The following DLGAP2 variants were observed in gnomAD, a reference collection of about 807,000 sequenced individuals.
DLGAP2 encodes the protein DLG associated protein 2, also known as disks large-associated protein 2.
In DLGAP2, 26 loss-of-function variants were observed where a neutral mutation model predicts 100.3. That is an observed-to-expected ratio of 0.26 (90% CI 0.19 to 0.36). The LOEUF (loss-of-function observed/expected upper bound fraction) is 0.36, where lower values mean the gene tolerates loss of function less well. Ranked by LOEUF, DLGAP2 falls within the 10% of genes least tolerant of loss-of-function variation. The pLI, the probability that DLGAP2 is intolerant of heterozygous loss-of-function variation, is 1.00. For synonymous variants in DLGAP2, 886 were observed against 630.1 expected (o/e 1.41, Z -6.08); for missense variants, 1,858 against 1,453.2 (o/e 1.28, Z -4.53).
At chr8:1,358,668 G>T (rs1801909454) in intron 3 of DLGAP2, among the ~76,000 whole-genome samples, 1 of 152,164 alleles carries the variant, frequency 6.6e-6, no homozygotes, top group South Asian at 2.1e-4. Flanking sequence ...GAAGGCTTCT[G>T]ATGGGCAAAG....
chr8:847,308 T>A (rs1048760472), intron 1 of DLGAP2, among the ~76,000 whole-genome samples: 1 of 152,202 alleles, frequency 6.6e-6, no homozygotes, highest in Non-Finnish European at 1.5e-5. Context: ...CTTTGCACTG[T>A]TTTTACTTAT....
chr8:1,678,727 G>C, intron 12 of DLGAP2, 98 bp downstream of exon 12: 2 of 1,283,332 alleles, frequency 1.6e-6, no homozygotes, highest in Non-Finnish European at 2.0e-6. Flanking sequence ...CCTCCCTTTG[G>C]TATTCAAGTG....
intron 1 of DLGAP2, among the ~76,000 whole-genome samples, chr8:745,132 A>C (rs772728899): frequency 6.6e-6 from 1 of 152,252 alleles, no homozygotes; most frequent in Non-Finnish European, 1.5e-5. Context: ...AGACAAGCAC[A>C]GCGGCAGGTT....
intron 3 of DLGAP2, among the ~76,000 whole-genome samples, chr8:1,446,660 T>G (rs1797993150): frequency 6.6e-6 from 1 of 152,244 alleles, no homozygotes; most frequent in South Asian, 2.1e-4. Context: ...GGGATGGCAT[T>G]GAATGTATAA....
chr8:971,143 A>T (rs1365496159), intron 2 of DLGAP2, among the ~76,000 whole-genome samples: 1 of 152,196 alleles, frequency 6.6e-6, no homozygotes, highest in Admixed American at 6.5e-5. Flanking sequence ...GGTTTCGAGG[A>T]CACCATCCGG....
Position 1,701,748 on chromosome 8 carries a change from T to C in DLGAP2, c.*342T>C. 1 of 329,034 alleles carries C rather than the reference T, an allele frequency of 3.0e-6. No individual in the cohort carries two copies. The highest frequency in any genetic ancestry group is 5.5e-6 in the Non-Finnish European group (1 of 182,414). The allele number at this position is 329,034 out of a possible 1,614,324, so 20.4% of individuals were successfully genotyped here. ...CTGGAACCCAGCTTACATTTTGTTATTTCTATTTTTATAAATTGTGTGATA... is the reference window on the plus strand; with the variant it reads ...CTGGAACCCAGCTTACATTTTGTTACTTCTATTTTTATAAATTGTGTGATA... On this transcript the variant is annotated 3_prime_UTR_variant, in exon 15 of 15. Coordinates refer to ENST00000637795, the MANE Select transcript of DLGAP2 (RefSeq NM_001346810.2).
In DLGAP2 at chr8:1,576,866, T is replaced by C. The variant is rs1803001722; in HGVS notation, c.1442+10972T>C. 2.0e-5 allele frequency among the ~76,000 whole-genome samples: 3 copies of C among 152,186 alleles called. No individual in the cohort carries two copies. In the South Asian group the frequency reaches 6.2e-4, roughly 32 times the overall value. The stretch of plus-strand genomic sequence containing the variant: ...AGTACAAGGTAATTTATAGATTCAG[T>C]GCCATCCCCATCAAGCTACCAATGC... On this transcript the variant is annotated intron_variant, in intron 6 of 14. Transcript: ENST00000637795.
intron 2 of DLGAP2, among the ~76,000 whole-genome samples, chr8:1,160,254 A>G (rs921192363): frequency 6.6e-6 from 1 of 152,190 alleles, no homozygotes; most frequent in African/African-American, 2.4e-5. Context: ...GGACCTAGGC[A>G]TGGAACCACG....
intron 2 of DLGAP2, among the ~76,000 whole-genome samples, chr8:922,082 T>C (rs547748490): frequency 3.9e-5 from 6 of 152,202 alleles, no homozygotes; most frequent in Non-Finnish European, 2.9e-5. Flanking sequence ...GCCACTTTCC[T>C]GGGAGAAACG....
At chr8:1,022,727 G>A (rs1336412724) in intron 2 of DLGAP2, among the ~76,000 whole-genome samples, 2 of 145,338 alleles carry the variant, frequency 1.4e-5, no homozygotes, top group African/African-American at 2.6e-5. Context: ...GTACCGTGCC[G>A]AGGTAGATGC....
At chr8:1,414,351 G>A (rs1489144072) in intron 3 of DLGAP2, among the ~76,000 whole-genome samples, 3 of 152,336 alleles carry the variant, frequency 2.0e-5, no homozygotes, top group Admixed American at 6.5e-5. Context: ...TAGCCAGGGA[G>A]AGGCAGTGAG....
intron 1 of DLGAP2, among the ~76,000 whole-genome samples, chr8:801,347 G>A (rs542560219): frequency 1.2e-4 from 18 of 152,252 alleles, no homozygotes; most frequent in African/African-American, 3.8e-4. Context: ...GGATTCAGGT[G>A]TAGGGAATCT....
intron 2 of DLGAP2, among the ~76,000 whole-genome samples, chr8:961,799 C>A (rs1464332495): frequency 6.6e-6 from 1 of 152,034 alleles, no homozygotes; most frequent in African/African-American, 2.4e-5. Context: ...TTTTTGTTTT[C>A]TTCTCTGGTA....
intron 4 of DLGAP2, among the ~76,000 whole-genome samples, chr8:1,515,172 C>T (rs979135908): frequency 2.0e-5 from 3 of 152,172 alleles, no homozygotes; most frequent in Admixed American, 6.5e-5. Context: ...CCTTGGAAAT[C>T]ACGGAGAGTT....
intron 2 of DLGAP2, among the ~76,000 whole-genome samples, chr8:985,040 A>G (rs1800446513): frequency 6.6e-6 from 1 of 152,226 alleles, no homozygotes; most frequent in African/African-American, 2.4e-5. Context: ...TTGAGGGGAA[A>G]GTAAAGCAAA....
At chr8:1,303,666 G>T (rs1255187383) in intron 3 of DLGAP2, among the ~76,000 whole-genome samples, 1 of 152,120 alleles carries the variant, frequency 6.6e-6, no homozygotes, top group African/African-American at 2.4e-5. Context: ...CAACACTCAG[G>T]AGCCCGCAGG....
At chr8:1,594,815 G>C (rs543052513) in intron 6 of DLGAP2, among the ~76,000 whole-genome samples, 5 of 151,968 alleles carry the variant, frequency 3.3e-5, no homozygotes, top group Non-Finnish European at 4.4e-5. Flanking sequence ...TTTAAAAGTC[G>C]AACACTCATT....
At chr8:1,692,383 C>T (rs1442123685) in intron 13 of DLGAP2, among the ~76,000 whole-genome samples, 1 of 67,892 alleles carries the variant, frequency 1.5e-5, no homozygotes, top group Non-Finnish European at 2.9e-5. Flanking sequence ...GCGGATACGG[C>T]CCTGGTTTAA....
chr8:940,133 G>A (rs975234962), intron 2 of DLGAP2, among the ~76,000 whole-genome samples: 22 of 152,000 alleles, frequency 1.4e-4, no homozygotes, highest in Non-Finnish European at 1.5e-5. Context: ...TGGGGCGTGG[G>A]GCCTGAAGAC....
Sources: allele counts gnomAD v4.1 joint callset (sites outside exome capture counted in the v4.1 genomes callset), GRCh38; gene constraint gnomAD v4.1.1; transcripts MANE v1.5; gene names NCBI Gene and HGNC (gene_info 2026-07-23, HGNC 2026-07-21).